ZFAT: variants seen among roughly 807,000 people sequenced by gnomAD.
The protein encoded by ZFAT is zinc finger and AT-hook domain containing, also known as zinc finger protein ZFAT.
ZFAT carries 64 observed loss-of-function variants against 117.7 expected under a neutral mutation model. That is an observed-to-expected ratio of 0.54 (90% CI 0.44 to 0.67). The LOEUF (loss-of-function observed/expected upper bound fraction) is 0.67, where lower values mean the gene tolerates loss of function less well. ZFAT is among the 30% of genes least tolerant of loss of function. ZFAT has a pLI of 0.00. For missense variants in ZFAT, 1,433 were observed against 1,584.5 expected (o/e 0.90, Z 1.62); for synonymous variants, 679 against 615.0 (o/e 1.10, Z -1.54).
At chr8:134,508,719 G>A (rs1232113278) in intron 15 of ZFAT, among the ~76,000 whole-genome samples, 1 of 152,156 alleles carries the variant, frequency 6.6e-6, no homozygotes, top group Non-Finnish European at 1.5e-5. Flanking sequence ...CACCATGATG[G>A]CAGACACTGG....
chr8:134,677,537 C>G (rs939393902), intron 1 of ZFAT, among the ~76,000 whole-genome samples: 8 of 152,194 alleles, frequency 5.3e-5, no homozygotes, highest in Non-Finnish European at 2.9e-5. Context: ...GGTACCATTC[C>G]TTCTGAAACT....
intron 3 of ZFAT, among the ~76,000 whole-genome samples, chr8:134,615,775 A>T (rs1197997958): frequency 6.6e-6 from 1 of 152,238 alleles, no homozygotes; most frequent in African/African-American, 2.4e-5. Flanking sequence ...CGGACATTAC[A>T]TTCTATTCTT....
intron 10 of ZFAT, among the ~76,000 whole-genome samples, chr8:134,573,394 G>A (rs1382707277): frequency 2.6e-5 from 4 of 152,192 alleles, no homozygotes; most frequent in East Asian, 3.8e-4. Flanking sequence ...AAGATGTGTC[G>A]TGTAGTTCAA....
chr8:134,802,021 G>A, the ZFAT span, among the ~76,000 whole-genome samples: 1 of 152,108 alleles, frequency 6.6e-6, no homozygotes, highest in South Asian at 2.1e-4. Context: ...TAATCAATAA[G>A]CCCTCCAAGT....
the ZFAT span, among the ~76,000 whole-genome samples, chr8:134,763,591 A>T: frequency 6.6e-6 from 1 of 152,162 alleles, no homozygotes; most frequent in African/African-American, 2.4e-5. Flanking sequence ...AGCCATTTGA[A>T]TATAAGTTTG....
chr8:134,608,737 C>T lies in ZFAT; in HGVS notation c.777G>A (p.Lys259=), dbSNP rs1257503736. The T allele has an allele frequency of 2.5e-6, 4 of 1,610,416 alleles. No individual in the cohort carries two copies. Among genetic ancestry groups the T allele is most frequent in the Non-Finnish European group, 3.4e-6 (4 of 1,178,676 alleles). Reference sequence around the variant, plus strand: ...AGAACAAAACACTTTACCTGCTTGACTTCATTGGTTGCTCATAAGGTGTCT... The same window carrying T: ...AGAACAAAACACTTTACCTGCTTGATTTCATTGGTTGCTCATAAGGTGTCT... The part of the protein sequence containing the change: ...IQQTPYEQPM[K]SSRLGPTQLK... The change falls in exon 5 of 16, where the codon AAG becomes AAA. Residue 259 remains lysine (K), a synonymous_variant. Transcript: ENST00000377838.
At chr8:134,788,499 GATT>G in the ZFAT span, among the ~76,000 whole-genome samples, 2 of 152,158 alleles carry the variant, frequency 1.3e-5, no homozygotes, top group East Asian at 1.9e-4. Context: ...GATCTTTTGA[GATT>G]ATTGGTTTGC....
At chr8:134,493,623 G>A (rs1483877101) in intron 15 of ZFAT, among the ~76,000 whole-genome samples, 2 of 152,262 alleles carry the variant, frequency 1.3e-5, no homozygotes, top group African/African-American at 4.8e-5. Flanking sequence ...AGAGTGCATG[G>A]GAATGAAGAG....
chr8:134,803,783 A>C, the ZFAT span, among the ~76,000 whole-genome samples: 18 of 152,198 alleles, frequency 1.2e-4, no homozygotes, highest in Admixed American at 1.2e-3. Context: ...CTTGCTGTTT[A>C]TAACAGGAAA....
chr8:134,642,597 T>C (rs1397091967), intron 2 of ZFAT, among the ~76,000 whole-genome samples: 2 of 152,350 alleles, frequency 1.3e-5, no homozygotes, highest in African/African-American at 2.4e-5. Context: ...GCATTCTCAT[T>C]CATTCTGACT....
At chr8:134,711,649 A>T (rs2131373283) in intron 1 of ZFAT, among the ~76,000 whole-genome samples, 1 of 152,322 alleles carries the variant, frequency 6.6e-6, no homozygotes, top group South Asian at 2.1e-4. Flanking sequence ...AAATTAAAAA[A>T]AAGCACGCCT....
the ZFAT span, among the ~76,000 whole-genome samples, chr8:134,798,718 C>G: frequency 4.6e-5 from 7 of 151,858 alleles, no homozygotes; most frequent in Non-Finnish European, 1.0e-4. Context: ...AAACATATGG[C>G]CATTAAACAA....
intron 7 of ZFAT, among the ~76,000 whole-genome samples, chr8:134,590,834 C>A (rs1182204455): frequency 3.3e-5 from 5 of 152,192 alleles, no homozygotes; most frequent in African/African-American, 1.2e-4. Flanking sequence ...CCACGACCCC[C>A]CTCACCATCA....
chr8:134,665,715 C>T lies in ZFAT; in HGVS notation c.20-7978G>A, dbSNP rs1486570487. On this transcript the variant is annotated intron_variant, in intron 1 of 15. Coordinates refer to ENST00000377838, the MANE Select transcript of ZFAT (RefSeq NM_020863.4). ...AGCACAGTGTGGTGTCTGTATCCTT[C>T]CAGACCTTTTGCTGTGCATCACAGA... 2.0e-5 allele frequency among the ~76,000 whole-genome samples: 3 copies of T among 152,222 alleles called. No individual in the cohort carries two copies. The South Asian group carries it at 6.2e-4, about 32-fold the overall frequency.
chr8:134,765,200 T>C, the ZFAT span: 2 of 152,304 alleles, frequency 1.3e-5, no homozygotes, highest in South Asian at 4.1e-4. Flanking sequence ...CTAAATAACA[T>C]ATATTTTTAA....
intron 12 of ZFAT, among the ~76,000 whole-genome samples, chr8:134,529,471 T>C (rs1446273299): frequency 6.6e-6 from 1 of 152,178 alleles, no homozygotes; most frequent in African/African-American, 2.4e-5. Context: ...TCCATATTAA[T>C]GAAGAAGTGA....
the ZFAT span, among the ~76,000 whole-genome samples, chr8:134,740,514 T>G: frequency 1.3e-5 from 2 of 152,258 alleles, no homozygotes; most frequent in Non-Finnish European, 2.9e-5. Context: ...TACAGATAGT[T>G]TGACCACAGT....
chr8:134,577,368 A>G (rs1825384294), intron 10 of ZFAT, among the ~76,000 whole-genome samples: 2 of 152,260 alleles, frequency 1.3e-5, no homozygotes, highest in African/African-American at 4.8e-5. Flanking sequence ...ATTCACAAGT[A>G]GTTAGAAGAA....
At chr8:134,565,683 C>A (rs561505250) in intron 10 of ZFAT, 85 of 573,212 alleles carry the variant, frequency 1.5e-4, no homozygotes, top group African/African-American at 1.3e-3. Flanking sequence ...GACATTCGAT[C>A]AGGCTCCTAA....
Sources: allele counts gnomAD v4.1 joint callset (sites outside exome capture counted in the v4.1 genomes callset), GRCh38; gene constraint gnomAD v4.1.1; transcripts MANE v1.5; gene names NCBI Gene and HGNC (gene_info 2026-07-23, HGNC 2026-07-21).